The following ALDH18A1 variants were observed in gnomAD, a reference collection of about 807,000 sequenced individuals.
ALDH18A1 encodes the protein delta-1-pyrroline-5-carboxylate synthase.
A neutral mutation model predicts 88.8 loss-of-function variants in ALDH18A1; 44 were observed. The observed-to-expected ratio is 0.50, with a 90% CI of 0.39 to 0.64. ALDH18A1 has a LOEUF of 0.64. Ranked by LOEUF, ALDH18A1 falls within the 30% of genes least tolerant of loss-of-function variation. The pLI, the probability that ALDH18A1 is intolerant of heterozygous loss-of-function variation, is 0.00. For synonymous variants in ALDH18A1, 331 were observed against 372.1 expected (o/e 0.89, Z 1.27); for missense variants, 782 against 1,009.5 (o/e 0.77, Z 3.05).
At chr10:95,614,212 T>C (rs1304502159) in intron 13 of ALDH18A1, 51 bp from the exon 14 acceptor site, 2 of 1,569,714 alleles carry the variant, frequency 1.3e-6, no homozygotes, top group Non-Finnish European at 8.7e-7. Context: ...CCACACAAAA[T>C]ATAAAAACAG....
intron 3 of ALDH18A1, among the ~76,000 whole-genome samples, chr10:95,640,743 T>C (rs1250754292): frequency 6.6e-6 from 1 of 152,180 alleles, no homozygotes; most frequent in Admixed American, 6.5e-5. Context: ...TGTCTATTAG[T>C]CAGGCCCTGA....
At chr10:95,649,351 ATTT>A (rs376825293) in intron 2 of ALDH18A1, among the ~76,000 whole-genome samples, 11 of 131,066 alleles carry the variant, frequency 8.4e-5, no homozygotes, top group Middle Eastern at 4.0e-3. Context: ...ATTTTTACAG[ATTT>A]TTTTTTTTTT....
chr10:95,620,921 C>T (rs1055329391), intron 12 of ALDH18A1, 110 bp downstream of exon 12: 19 of 1,120,920 alleles, frequency 1.7e-5, no homozygotes, highest in Non-Finnish European at 2.3e-5. Context: ...CACATGTACC[C>T]TAGAACTTAA....
chr10:95,612,532 ACTT>A (rs1298255441), intron 15 of ALDH18A1, among the ~76,000 whole-genome samples: 1 of 152,116 alleles, frequency 6.6e-6, no homozygotes, highest in Non-Finnish European at 1.5e-5. Context: ...CTGGGATCTC[ACTT>A]CTTCTGTGTT....
intron 15 of ALDH18A1, among the ~76,000 whole-genome samples, chr10:95,612,206 A>C (rs2097836329): frequency 1.3e-5 from 2 of 152,240 alleles, no homozygotes; most frequent in Admixed American, 1.3e-4. Context: ...GTACTTGGTC[A>C]GGTGCTTTCA....
intron 2 of ALDH18A1, among the ~76,000 whole-genome samples, chr10:95,651,716 G>T (rs1468291434): frequency 4.6e-5 from 7 of 152,122 alleles, no homozygotes; most frequent in African/African-American, 1.7e-4. Flanking sequence ...CAGCACCAAG[G>T]CATGAGGGAT....
At chr10:95,625,022 G>C (rs1272311874) in intron 11 of ALDH18A1, among the ~76,000 whole-genome samples, 1 of 152,180 alleles carries the variant, frequency 6.6e-6, no homozygotes, top group Non-Finnish European at 1.5e-5. Context: ...CATTAGCACA[G>C]TGCCTGTCAA....
intron 16 of ALDH18A1, 32 bp from the exon 17 acceptor site, chr10:95,610,324 G>A (rs1283365175): frequency 6.2e-7 from 1 of 1,604,112 alleles, no homozygotes; most frequent in Admixed American, 1.7e-5. Flanking sequence ...ACCAAGTTAG[G>A]ATGATACCCA....
At chr10:95,655,640 C>A (rs1353878020) in intron 1 of ALDH18A1, among the ~76,000 whole-genome samples, 1 of 151,744 alleles carries the variant, frequency 6.6e-6, no homozygotes, top group Admixed American at 6.6e-5. Context: ...GAGTGTATTA[C>A]GCCCTCGAGA....
At chr10:95,654,047 T>C (rs1301078572) in intron 1 of ALDH18A1, among the ~76,000 whole-genome samples, 1 of 152,192 alleles carries the variant, frequency 6.6e-6, no homozygotes, top group Non-Finnish European at 1.5e-5. Flanking sequence ...AAGGCAGTTA[T>C]GGGCATTTCC....
intron 11 of ALDH18A1, among the ~76,000 whole-genome samples, chr10:95,621,652 G>C (rs1029686594): frequency 6.6e-6 from 1 of 152,024 alleles, no homozygotes; most frequent in Non-Finnish European, 1.5e-5. Context: ...ATGTGGGACT[G>C]CATTAGGAAC....
chr10:95,633,719 G>T, intron 5 of ALDH18A1, 70 bp from the exon 6 acceptor site: 2 of 1,538,960 alleles, frequency 1.3e-6, no homozygotes, highest in Non-Finnish European at 1.8e-6. Context: ...TACAAAAGAC[G>T]CTAAGAGCAG....
rs774081826 is a variant in ALDH18A1 at position 95,625,436 on chromosome 10, T to A, written c.1172A>T (p.His391Leu). ...CTGGTCCGTCAACAGATCAGCCAGATGATGGATAATTTCTGCTCTCTAGAA... is the reference window on the plus strand; with the variant it reads ...CTGGTCCGTCAACAGATCAGCCAGAAGATGGATAATTTCTGCTCTCTAGAA... Reference protein sequence around the residue: ...EPEQRAEIIHHLADLLTDQRD... With the variant: ...EPEQRAEIIHLLADLLTDQRD... The change falls in exon 11 of 18, where the codon CAT becomes CTT. Residue 391 changes from histidine (H) to leucine (L), a missense_variant. Physicochemically the swap from His to Leu is moderately conservative, Grantham distance 99. Coordinates refer to ENST00000371224, the MANE Select transcript of ALDH18A1 (RefSeq NM_002860.4). 6.2e-7 allele frequency: 1 copy of A among 1,613,992 alleles called. No individual in the cohort carries two copies. Among genetic ancestry groups the A allele is most frequent in the Non-Finnish European group, 8.5e-7 (1 of 1,179,932 alleles).
At chr10:95,626,865 C>G (rs539295405) in intron 9 of ALDH18A1, 89 bp from the exon 10 acceptor site, 1 of 1,336,838 alleles carries the variant, frequency 7.5e-7, no homozygotes, top group African/African-American at 1.4e-5. Context: ...AGCACATGCA[C>G]AAGCTCATCA....
intron 8 of ALDH18A1, among the ~76,000 whole-genome samples, chr10:95,627,880 A>T (rs1016444792): frequency 1.3e-5 from 2 of 152,232 alleles, no homozygotes; most frequent in African/African-American, 4.8e-5. Flanking sequence ...CTGTGCCTCA[A>T]CTTAGAAACA....
chr10:95,655,128 TTTATTATTATTA>T (rs147662060), intron 1 of ALDH18A1, among the ~76,000 whole-genome samples: 3,383 of 133,834 alleles, frequency 0.025, 55 homozygotes, highest in Non-Finnish European at 0.039. Context: ...CCAATTTTTC[TTTATTATTATTA>T]TTATTATTAT....
intron 3 of ALDH18A1, among the ~76,000 whole-genome samples, chr10:95,639,584 T>C (rs1000465631): frequency 1.3e-5 from 2 of 151,284 alleles, no homozygotes; most frequent in African/African-American, 4.8e-5. Context: ...ATATATAATA[T>C]ATAATTATAT....
intron 2 of ALDH18A1, among the ~76,000 whole-genome samples, chr10:95,650,729 C>T (rs1431171521): frequency 6.6e-6 from 1 of 152,140 alleles, no homozygotes; most frequent in Admixed American, 6.5e-5. Context: ...TTTCTTTATA[C>T]ATTACCCAGC....
At chr10:95,631,658 G>A (rs1325126323) in intron 7 of ALDH18A1, among the ~76,000 whole-genome samples, 2 of 147,132 alleles carry the variant, frequency 1.4e-5, no homozygotes, top group African/African-American at 2.5e-5. Context: ...CAGGAGAATC[G>A]CTTGAACCTG....
Sources: allele counts gnomAD v4.1 joint callset (sites outside exome capture counted in the v4.1 genomes callset), GRCh38; gene constraint gnomAD v4.1.1; transcripts MANE v1.5; gene names NCBI Gene and HGNC (gene_info 2026-07-23, HGNC 2026-07-21).